The following CNTN5 variants were observed in gnomAD, a reference collection of about 807,000 sequenced individuals.
The protein encoded by CNTN5 is contactin 5.
In CNTN5, 77 loss-of-function variants were observed where a neutral mutation model predicts 129.1. The observed-to-expected ratio is 0.60, with a 90% CI of 0.50 to 0.72. The LOEUF (loss-of-function observed/expected upper bound fraction) is 0.72. Among genes scored for constraint, CNTN5 ranks in the 30% least tolerant of loss-of-function variants. CNTN5 has a pLI of 0.00. For missense variants in CNTN5, 1,478 were observed against 1,328.8 expected (o/e 1.11, Z -1.75); for synonymous variants, 509 against 465.6 (o/e 1.09, Z -1.20).
chr11:99,975,344 C>G (rs1209188057), intron 8 of CNTN5, among the ~76,000 whole-genome samples: 1 of 152,120 alleles, frequency 6.6e-6, no homozygotes, highest in Non-Finnish European at 1.5e-5. Context: ...CCTGTAGCCC[C>G]TTGGTTTTGA....
At chr11:99,590,121 G>A (rs1344831472) in intron 3 of CNTN5, among the ~76,000 whole-genome samples, 2 of 152,102 alleles carry the variant, frequency 1.3e-5, no homozygotes, top group East Asian at 3.8e-4. Flanking sequence ...CTCTATGTAA[G>A]CGGAAGAGAA....
intron 1 of CNTN5, among the ~76,000 whole-genome samples, chr11:99,181,740 TTAGGGGCAG>T (rs1303760851): frequency 6.6e-6 from 1 of 152,178 alleles, no homozygotes; most frequent in Non-Finnish European, 1.5e-5. Context: ...GTCACAAGCC[TTAGGGGCAG>T]GATCTGATGG....
intron 16 of CNTN5, among the ~76,000 whole-genome samples, chr11:100,247,098 T>C (rs1184677695): frequency 1.3e-5 from 2 of 152,200 alleles, no homozygotes; most frequent in African/African-American, 4.8e-5. Flanking sequence ...GGAATTTTAC[T>C]TAGGCAAGGC....
chr11:99,747,761 G>A (rs929580144), intron 3 of CNTN5, among the ~76,000 whole-genome samples: 1 of 151,982 alleles, frequency 6.6e-6, no homozygotes, highest in Non-Finnish European at 1.5e-5. Flanking sequence ...CATGAGCCAC[G>A]GCACCCGGCC....
Position 99,727,988 on chromosome 11 carries a change from CTA to C in CNTN5, c.56-91554_56-91553del, listed in dbSNP as rs560157725. On this transcript the variant is annotated intron_variant, in intron 3 of 24. Coordinates refer to ENST00000524871, the MANE Select transcript of CNTN5 (RefSeq NM_014361.4). ...TGCATTCAGATTGATTACTTAACCACTATGGTAATTCGTCTCTGACAATCAAC... is the reference window on the plus strand; with the variant it reads ...TGCATTCAGATTGATTACTTAACCACTGGTAATTCGTCTCTGACAATCAAC... 7.6e-4 allele frequency among the ~76,000 whole-genome samples: 116 copies of C among 152,238 alleles called. 1 individual carries two copies. The highest frequency in any genetic ancestry group is 1.3e-3 in the Non-Finnish European group (89 of 68,014).
intron 3 of CNTN5, among the ~76,000 whole-genome samples, chr11:99,752,950 T>G (rs1401856957): frequency 6.6e-6 from 1 of 152,078 alleles, no homozygotes; most frequent in East Asian, 1.9e-4. Flanking sequence ...TTGTCTGTCC[T>G]GGGGAAAGTC....
chr11:99,591,987 T>G (rs1205196508), intron 3 of CNTN5, among the ~76,000 whole-genome samples: 1 of 152,178 alleles, frequency 6.6e-6, no homozygotes, highest in African/African-American at 2.4e-5. Context: ...ACAAGGGCAA[T>G]TCCTAAGTTT....
chr11:100,103,553 TCTTA>T (rs1945302520), intron 13 of CNTN5, among the ~76,000 whole-genome samples: 1 of 152,156 alleles, frequency 6.6e-6, no homozygotes, highest in Non-Finnish European at 1.5e-5. Flanking sequence ...AGCTATTTCC[TCTTA>T]CTTTGAAATC....
intron 13 of CNTN5, among the ~76,000 whole-genome samples, chr11:100,130,277 A>G (rs1946332509): frequency 6.6e-6 from 1 of 152,096 alleles, no homozygotes; most frequent in Non-Finnish European, 1.5e-5. Context: ...TTATTCATTC[A>G]TTCATTCAGT....
intron 6 of CNTN5, among the ~76,000 whole-genome samples, chr11:99,885,714 C>T (rs1286892300): frequency 6.6e-6 from 1 of 151,906 alleles, no homozygotes; most frequent in Non-Finnish European, 1.5e-5. Flanking sequence ...GTAGATATCT[C>T]TAGAAAGTTT....
chr11:100,231,624 G>C (rs144910770), intron 16 of CNTN5, among the ~76,000 whole-genome samples: 1 of 152,236 alleles, frequency 6.6e-6, no homozygotes, highest in East Asian at 1.9e-4. Flanking sequence ...GATAAATTTT[G>C]TGGTCCCCTA....
intron 6 of CNTN5, among the ~76,000 whole-genome samples, chr11:99,874,321 C>T (rs1948579788): frequency 6.6e-6 from 1 of 152,034 alleles, no homozygotes; most frequent in Non-Finnish European, 1.5e-5. Context: ...TGAAGAAATC[C>T]CCACAGTCTG....
intron 1 of CNTN5, among the ~76,000 whole-genome samples, chr11:99,248,638 T>C (rs1191360476): frequency 2.6e-5 from 4 of 152,218 alleles, no homozygotes; most frequent in Non-Finnish European, 5.9e-5. Context: ...TTAATTTTTG[T>C]ATAAGAAATG....
intron 9 of CNTN5, among the ~76,000 whole-genome samples, chr11:100,060,815 T>C (rs937962974): frequency 1.3e-5 from 2 of 151,734 alleles, no homozygotes; most frequent in African/African-American, 4.8e-5. Flanking sequence ...AATTTTTGTA[T>C]TTTTTAGTAG....
intron 7 of CNTN5, among the ~76,000 whole-genome samples, chr11:99,941,941 A>T (rs1007327243): frequency 6.6e-6 from 1 of 152,074 alleles, no homozygotes; most frequent in Admixed American, 6.6e-5. Flanking sequence ...TAGGATGAAA[A>T]GAAAACACCT....
chr11:99,296,882 A>C (rs1221795744), intron 1 of CNTN5, among the ~76,000 whole-genome samples: 1 of 152,196 alleles, frequency 6.6e-6, no homozygotes, highest in Non-Finnish European at 1.5e-5. Flanking sequence ...AGGTGCCCAG[A>C]GAAAGGAAAA....
chr11:100,124,998 C>G (rs1055298097), intron 13 of CNTN5, among the ~76,000 whole-genome samples: 1 of 152,056 alleles, frequency 6.6e-6, no homozygotes, highest in Non-Finnish European at 1.5e-5. Flanking sequence ...TTCTGTAGAT[C>G]TGGGGCGAGG....
chr11:100,083,480 C>G (rs1182231602), intron 13 of CNTN5, among the ~76,000 whole-genome samples: 3 of 152,056 alleles, frequency 2.0e-5, no homozygotes, highest in African/African-American at 7.2e-5. Context: ...GGCCCCATCT[C>G]CAACACTGGG....
At chr11:99,926,889 A>G (rs1401420164) in intron 7 of CNTN5, among the ~76,000 whole-genome samples, 1 of 152,168 alleles carries the variant, frequency 6.6e-6, no homozygotes, top group African/African-American at 2.4e-5. Flanking sequence ...CACAACTTTT[A>G]CAAGATTTAC....
Sources: gnomAD v4.1 joint callset for allele counts (sites outside exome capture counted in the v4.1 genomes callset) on GRCh38, gnomAD v4.1.1 for gene constraint, MANE v1.5 for transcripts, NCBI Gene and HGNC (gene_info 2026-07-23, HGNC 2026-07-21) for gene names.